The following CDK5RAP2 variants were observed in gnomAD, a reference collection of about 807,000 sequenced individuals.
The protein encoded by CDK5RAP2 is CDK5 regulatory subunit associated protein 2.
Under a neutral mutation model 232.9 loss-of-function variants are expected in CDK5RAP2, and 147 were observed. The observed-to-expected ratio is 0.63, with a 90% CI of 0.55 to 0.72. The LOEUF is 0.72. Ranked by LOEUF, CDK5RAP2 falls within the 30% of genes least tolerant of loss-of-function variation. The pLI is 0.00. For missense variants in CDK5RAP2, 2,195 were observed against 2,231.5 expected, an observed-to-expected ratio of 0.98 and a Z score of 0.33; for synonymous variants, 833 against 833.7, an observed-to-expected ratio of 1.00 and a Z score of 0.01.
intron 12 of CDK5RAP2, among the ~76,000 whole-genome samples, chr9:120,516,885 C>T (rs1297668055): frequency 1.3e-5 from 2 of 152,194 alleles, no homozygotes; most frequent in Non-Finnish European, 2.9e-5. Context: ...AATCTCACTC[C>T]TCAGGATCTA....
chr9:120,482,597 C>G (rs1418484037), intron 14 of CDK5RAP2, among the ~76,000 whole-genome samples: 2 of 152,196 alleles, frequency 1.3e-5, no homozygotes, highest in African/African-American at 4.8e-5. Flanking sequence ...GATAAAGATG[C>G]CCTCCTCCAG....
At chr9:120,564,441 G>A (rs1015432806) in intron 3 of CDK5RAP2, among the ~76,000 whole-genome samples, 1 of 143,724 alleles carries the variant, frequency 7.0e-6, no homozygotes, top group Non-Finnish European at 1.5e-5. Context: ...AGTGAGCCGA[G>A]ATCGTGCCAC....
At chr9:120,500,896 G>C (rs1168886552) in intron 12 of CDK5RAP2, among the ~76,000 whole-genome samples, 1 of 152,184 alleles carries the variant, frequency 6.6e-6, no homozygotes. Context: ...GGCCAGAAGA[G>C]CGGCTGTGGC....
intron 12 of CDK5RAP2, among the ~76,000 whole-genome samples, chr9:120,511,479 T>G (rs959219084): frequency 1.3e-5 from 2 of 152,234 alleles, no homozygotes; most frequent in Non-Finnish European, 1.5e-5. Context: ...TCTGGCCCCA[T>G]GCAGAATTGC....
chr9:120,528,834 T>C, intron 8 of CDK5RAP2, 37 bp from the exon 9 acceptor site: 1 of 1,460,356 alleles, frequency 6.8e-7, no homozygotes, highest in Non-Finnish European at 9.6e-7. Flanking sequence ...AGAAGGGACG[T>C]GCAATCCAAC....
At chr9:120,504,893 T>G (rs1042289808) in intron 12 of CDK5RAP2, among the ~76,000 whole-genome samples, 3 of 152,176 alleles carry the variant, frequency 2.0e-5, no homozygotes, top group African/African-American at 7.2e-5. Context: ...CCAATTCAAG[T>G]GCCATCTCTT....
intron 3 of CDK5RAP2, among the ~76,000 whole-genome samples, chr9:120,564,294 T>C (rs1268538459): frequency 6.6e-6 from 1 of 151,936 alleles, no homozygotes; most frequent in Non-Finnish European, 1.5e-5. Flanking sequence ...GGTGAGACCA[T>C]CCTGGCTAAT....
At chr9:120,460,754 T>C in intron 18 of CDK5RAP2, 87 bp from the exon 19 acceptor site, 1 of 1,570,590 alleles carries the variant, frequency 6.4e-7, no homozygotes, top group Non-Finnish European at 8.6e-7. Context: ...ATGTCTTTTT[T>C]TTTTTAATGC....
chr9:120,561,822 G>T (rs1192641289), intron 3 of CDK5RAP2, among the ~76,000 whole-genome samples: 1 of 152,140 alleles, frequency 6.6e-6, no homozygotes, highest in Non-Finnish European at 1.5e-5. Flanking sequence ...TGAAATAACT[G>T]CACTACCTTG....
intron 5 of CDK5RAP2, among the ~76,000 whole-genome samples, chr9:120,545,460 T>G (rs1202403020): frequency 1.3e-5 from 2 of 152,202 alleles, no homozygotes; most frequent in South Asian, 2.1e-4. Flanking sequence ...TGTTTCCTGA[T>G]CTGGATGGTA....
At chr9:120,434,541 C>A (rs1162941136) in intron 25 of CDK5RAP2, among the ~76,000 whole-genome samples, 1 of 152,138 alleles carries the variant, frequency 6.6e-6, no homozygotes, top group African/African-American at 2.4e-5. Flanking sequence ...AGGATGGAAG[C>A]CCAGAGGCCA....
At position 120,461,073 on chromosome 9, in the gene CDK5RAP2, A is replaced by G. The variant is rs374847700; in HGVS notation, c.2107-406T>C. ...AAAATAGCTATTGATGGAATTGAAA[A>G]TATCAAACAGCAAGAAAGTAATAAA... On this transcript the variant is annotated intron_variant, in intron 18 of 37. Transcript: ENST00000349780. Among the ~76,000 whole-genome samples the G allele has an allele frequency of 2.2e-4, 33 of 152,396 alleles. 1 individual carries two copies. The East Asian group carries it at 3.7e-3, about 17-fold the overall frequency.
intron 21 of CDK5RAP2, among the ~76,000 whole-genome samples, chr9:120,451,260 G>T (rs1473800785): frequency 6.6e-6 from 1 of 152,182 alleles, no homozygotes; most frequent in Non-Finnish European, 1.5e-5. Flanking sequence ...CTTGGGAATG[G>T]AAGGGAAACA....
At chr9:120,572,104 G>C (rs1362654323) in intron 1 of CDK5RAP2, 63 bp from the exon 2 acceptor site, 1 of 1,227,740 alleles carries the variant, frequency 8.1e-7, no homozygotes, top group Non-Finnish European at 1.2e-6. Context: ...CTGTTAAGAC[G>C]GTCTGGACTG....
Position 120,527,831 on chromosome 9 carries a change from A to G in CDK5RAP2, c.974T>C (p.Met325Thr). 1 of 1,613,882 alleles carries G rather than the reference A, an allele frequency of 6.2e-7. No individual in the cohort carries two copies. The highest frequency in any genetic ancestry group is 2.2e-5 in the East Asian group (1 of 44,864). The change falls in exon 10 of 38, where the codon ATG (methionine) becomes ACG (threonine). Residue 325 changes from methionine to threonine, a missense_variant. Transcript: ENST00000349780. ...KRDKAIQGLT[M>T]ALKSKEKKVE... ...CTTTTTTTCCTTTGATTTTAATGCC[A>G]TGGTTAAACCCTGAATGGCTTTATC...
intron 8 of CDK5RAP2, 24 bp from the exon 9 acceptor site, chr9:120,528,821 TGAA>T (rs767228891): frequency 1.3e-6 from 2 of 1,575,510 alleles, no homozygotes; most frequent in East Asian, 2.2e-5. Flanking sequence ...TTAATTGGTG[TGAA>T]GAAGGGACGT....
chr9:120,456,213 G>A (rs1380321197), intron 20 of CDK5RAP2, among the ~76,000 whole-genome samples: 1 of 152,230 alleles, frequency 6.6e-6, no homozygotes, highest in Non-Finnish European at 1.5e-5. Context: ...ATGCAGGTCT[G>A]GGTGAGGTGG....
chr9:120,400,775 G>A lies in CDK5RAP2; in HGVS notation c.5418C>T (p.Pro1806=), dbSNP rs3739822. Residue 1806 remains proline (P), a synonymous_variant, in exon 35 of 38, where the codon CCC becomes CCT. Coordinates refer to ENST00000349780, the MANE Select transcript of CDK5RAP2 (RefSeq NM_018249.6). ...AGTGAAGGGGGCACTGGCCATCCTC[G>A]GGGAGTGAGACTCTCCAGAGAAGCT... is the stretch of plus-strand genomic sequence containing the variant. ...RLKLLWRVSL[P]EDGQCPLHCE... is the part of the protein sequence containing the mutation. 0.026 allele frequency: 42,227 copies of A among 1,613,944 alleles called. 658 individuals are homozygous for A. The highest frequency in any genetic ancestry group is 0.07 in the East Asian group (3,129 of 44,874).
At position 120,415,092 on chromosome 9, in the gene CDK5RAP2, T is replaced by G; in HGVS notation, c.4245A>C (p.Thr1415=). ...CCAACTGTTTCCGTAGCTTCTCATT[T>G]GTTTTAATAGATTCTTCTAAACGCT... ...LRKRLEESIK[T]NEKLRKQLER... The change falls in exon 28 of 38, where the codon ACA becomes ACC. Residue 1415 remains threonine, a synonymous_variant. Transcript: ENST00000349780. 1 of 1,614,208 alleles carries G rather than the reference T, an allele frequency of 6.2e-7. No homozygotes were observed.
Sources: gnomAD v4.1 joint callset for allele counts (sites outside exome capture counted in the v4.1 genomes callset) on GRCh38, gnomAD v4.1.1 for gene constraint, MANE v1.5 for transcripts, NCBI Gene and HGNC (gene_info 2026-07-23, HGNC 2026-07-21) for gene names.